Variants in SEC31A observed in about 807,000 individuals in gnomAD.
SEC31A encodes the protein SEC31 homolog A, COPII component.
In SEC31A, 70 loss-of-function variants were observed where a neutral mutation model predicts 151.0. The observed-to-expected ratio is 0.46, with a 90% CI of 0.38 to 0.57. The LOEUF (loss-of-function observed/expected upper bound fraction) is 0.57, where lower values mean the gene tolerates loss of function less well. SEC31A is among the 20% of genes least tolerant of loss of function. SEC31A has a pLI of 0.00. For missense variants in SEC31A, 1,330 were observed against 1,471.2 expected (o/e 0.90, Z 1.57); for synonymous variants, 475 against 505.9 (o/e 0.94, Z 0.82).
At chr4:82,853,805 G>A (rs545658051) in intron 17 of SEC31A, 90 bp from the exon 18 acceptor site, 83 of 1,022,054 alleles carry the variant, frequency 8.1e-5, no homozygotes, top group Non-Finnish European at 1.1e-4. Context: ...TCAGAGGCAT[G>A]GATTAAGCTT....
chr4:82,899,235 G>C (rs765753567), intron 3 of SEC31A, among the ~76,000 whole-genome samples: 1 of 152,160 alleles, frequency 6.6e-6, no homozygotes, highest in Admixed American at 6.5e-5. Flanking sequence ...GTAAGAATGA[G>C]GTTTCTTTCT....
chr4:82,829,078 A>C lies in SEC31A; in HGVS notation c.2969-20T>G, dbSNP rs201691715. 2.1e-3 allele frequency: 3,303 copies of C among 1,601,098 alleles called. 1 individual carries two copies. Among genetic ancestry groups the C allele is most frequent in the Non-Finnish European group, 2.7e-3 (3,157 of 1,168,532 alleles). ...GAGGACCTATAACAGATAACAGAGAATGTTTTCCTTTAGAATCCTGAAAGG... is the reference window on the plus strand; with the variant it reads ...GAGGACCTATAACAGATAACAGAGACTGTTTTCCTTTAGAATCCTGAAAGG... On this transcript the variant is annotated intron_variant, in intron 22 of 26. Coordinates refer to ENST00000395310, the MANE Select transcript of SEC31A (RefSeq NM_001077207.4).
At chr4:82,871,849 T>A in intron 7 of SEC31A, 95 bp downstream of exon 7, 3 of 1,496,058 alleles carry the variant, frequency 2.0e-6, no homozygotes, top group Non-Finnish European at 2.7e-6. Flanking sequence ...AAAAAAAAAG[T>A]TCCTGTGTCC....
rs1181017723 is a variant in SEC31A at position 82,826,984 on chromosome 4, A to T, written c.3291+385T>A. ...TATCTGATGATAAGGCTGTATTATT[A>T]GCTTTTATACATACACATAAAAATA... On this transcript the variant is annotated intron_variant, in intron 24 of 26. Coordinates refer to ENST00000395310, the MANE Select transcript of SEC31A (RefSeq NM_001077207.4). Among the ~76,000 whole-genome samples the T allele has an allele frequency of 1.3e-5, 2 of 152,252 alleles. 1 individual carries two copies. The highest frequency in any genetic ancestry group is 3.8e-4 in the East Asian group (2 of 5,202).
At chr4:82,858,782 A>G (rs1433435117) in intron 14 of SEC31A, among the ~76,000 whole-genome samples, 1 of 151,618 alleles carries the variant, frequency 6.6e-6, no homozygotes, top group East Asian at 2.0e-4. Context: ...GGCTCACTGC[A>G]AACTCTGCCT....
chr4:82,889,618 T>C (rs1316701851), intron 1 of SEC31A, among the ~76,000 whole-genome samples: 1 of 151,814 alleles, frequency 6.6e-6, no homozygotes, highest in Non-Finnish European at 1.5e-5. Flanking sequence ...CTTCCAATGC[T>C]TTCATTAGAT....
chr4:82,879,393 C>T (rs1210132892), intron 3 of SEC31A, among the ~76,000 whole-genome samples: 1 of 145,018 alleles, frequency 6.9e-6, no homozygotes, highest in Non-Finnish European at 1.5e-5. Context: ...AAGGGGGGGT[C>T]ACTAACAAGT....
chr4:82,828,149 G>A (rs1484591221), intron 23 of SEC31A, among the ~76,000 whole-genome samples: 1 of 152,118 alleles, frequency 6.6e-6, no homozygotes, highest in Admixed American at 6.6e-5. Flanking sequence ...TCCTGACCTT[G>A]TGATCTGCCC....
upstream of SEC31A, among the ~76,000 whole-genome samples, chr4:82,892,307 T>A (rs918203710): frequency 3.9e-5 from 6 of 152,242 alleles, no homozygotes; most frequent in African/African-American, 1.4e-4. Context: ...AACAAGTAAA[T>A]GCTCCATTTC....
chr4:82,890,819 C>T (rs1719553207), intron 1 of SEC31A: 1 of 1,312,228 alleles, frequency 7.6e-7, no homozygotes, highest in East Asian at 3.1e-5. Context: ...CTACTACTCC[C>T]CGGCAAGACA....
chr4:82,832,321 T>C (rs1578141062), intron 22 of SEC31A, among the ~76,000 whole-genome samples: 1 of 152,298 alleles, frequency 6.6e-6, no homozygotes, highest in Non-Finnish European at 1.5e-5. Flanking sequence ...GATTCCCTAT[T>C]TAATAAATGG....
intron 3 of SEC31A, among the ~76,000 whole-genome samples, chr4:82,897,119 C>G (rs147543114): frequency 2.6e-5 from 4 of 152,258 alleles, no homozygotes; most frequent in Admixed American, 2.6e-4. Flanking sequence ...AACACTCCCC[C>G]TTTTCCTTTA....
chr4:82,878,847 A>G lies in SEC31A; in HGVS notation c.285T>C (p.Asn95=), dbSNP rs1362338032. 1 of 1,613,936 alleles carries G rather than the reference A, an allele frequency of 6.2e-7. No individual in the cohort carries two copies. The highest frequency in any genetic ancestry group is 2.2e-5 in the East Asian group (1 of 44,872). Residue 95 remains asparagine (N), a synonymous_variant, in exon 4 of 27, where the codon AAT becomes AAC. Transcript: ENST00000395310. ...AAGGATCATAGAGAATAATATTTCCATTTTCACCACCTGCAATCAGAACTC... is the reference window on the plus strand; with the variant it reads ...AAGGATCATAGAGAATAATATTTCCGTTTTCACCACCTGCAATCAGAACTC... ...VSGVLIAGGE[N]GNIILYDPSK...
At chr4:82,893,490 A>G (rs1280566252), upstream of SEC31A, 1 of 152,234 alleles carries the variant, frequency 6.6e-6, no homozygotes, top group East Asian at 1.9e-4. Context: ...AACTTTTTCC[A>G]TAGCAGCCAG....
Position 82,819,161 on chromosome 4 carries a change from T to C in SEC31A, c.3576A>G (p.Ile1192Met). 6.2e-7 allele frequency: 1 copy of C among 1,612,746 alleles called. No homozygotes were observed. Among genetic ancestry groups the C allele is most frequent in the East Asian group, 2.2e-5 (1 of 44,820 alleles). ...YSEGLTMHTH[I>M]VSTSNFSETS... Reference sequence around the variant, plus strand: ...TCTCACTGAAGTTGCTGGTGCTAACTATGTGGGTATGCATGGTCAATCCTT... The same window carrying C: ...TCTCACTGAAGTTGCTGGTGCTAACCATGTGGGTATGCATGGTCAATCCTT... The change falls in exon 27 of 27, where the codon ATA becomes ATG. Residue 1192 changes from isoleucine (I) to methionine (M), a missense_variant. By Grantham distance (10) the Ile-to-Met change is conservative (BLOSUM62 1). Transcript: ENST00000395310.
chr4:82,833,448 G>T (rs1726464305), intron 22 of SEC31A, among the ~76,000 whole-genome samples: 1 of 151,884 alleles, frequency 6.6e-6, no homozygotes, highest in Admixed American at 6.6e-5. Flanking sequence ...CCTAATGTAG[G>T]TGACGGGTTG....
At chr4:82,858,187 C>T (rs1490609037) in intron 14 of SEC31A, among the ~76,000 whole-genome samples, 1 of 151,580 alleles carries the variant, frequency 6.6e-6, no homozygotes, top group Non-Finnish European at 1.5e-5. Context: ...CTGAGGTGGG[C>T]GGATCACAAG....
At chr4:82,859,792 T>TA (rs1553931819) in intron 14 of SEC31A, among the ~76,000 whole-genome samples, 10 of 668 alleles carry the variant, frequency 0.015, no homozygotes, top group South Asian at 0.25. Flanking sequence ...CATAAAAATA[T>TA]TTTTTTTTTT....
intron 8 of SEC31A, among the ~76,000 whole-genome samples, chr4:82,869,260 C>T (rs547488199): frequency 4.2e-4 from 64 of 151,800 alleles, no homozygotes; most frequent in African/African-American, 1.4e-3. Flanking sequence ...GCTGGGACTA[C>T]AGGCGCCCGC....
Sources: allele counts gnomAD v4.1 joint callset (sites outside exome capture counted in the v4.1 genomes callset), GRCh38; gene constraint gnomAD v4.1.1; transcripts MANE v1.5; gene names NCBI Gene and HGNC (gene_info 2026-07-23, HGNC 2026-07-21).